The following PDE9A variants were observed in gnomAD, a reference collection of about 807,000 sequenced individuals.
PDE9A encodes the protein phosphodiesterase 9A.
A neutral mutation model predicts 87.4 loss-of-function variants in PDE9A; 60 were observed. The ratio of observed to expected loss-of-function variants is 0.69; its 90% CI spans 0.56 to 0.85. The LOEUF is 0.85. PDE9A is among the 40% of genes least tolerant of loss of function. PDE9A has a pLI of 0.00. For missense variants in PDE9A, 665 were observed against 779.0 expected, an observed-to-expected ratio of 0.85 and a Z score of 1.74; for synonymous variants, 272 against 279.4, an observed-to-expected ratio of 0.97 and a Z score of 0.27.
At chr21:42,670,056 TACAC>T (rs1307632030) in intron 1 of PDE9A, among the ~76,000 whole-genome samples, 1 of 151,690 alleles carries the variant, frequency 6.6e-6, no homozygotes, top group African/African-American at 2.4e-5. Flanking sequence ...CACACACACT[TACAC>T]ATTCACACAC....
At chr21:42,682,076 G>A (rs1462973588) in intron 1 of PDE9A, among the ~76,000 whole-genome samples, 3 of 152,328 alleles carry the variant, frequency 2.0e-5, no homozygotes, top group South Asian at 2.1e-4. Flanking sequence ...GCCCAAACTC[G>A]CACCCACTTT....
At chr21:42,769,407 GGCA>G (rs2056731468) in intron 17 of PDE9A, among the ~76,000 whole-genome samples, 7 of 92,156 alleles carry the variant, frequency 7.6e-5, no homozygotes, top group South Asian at 4.3e-4. Flanking sequence ...GCACACACAC[GGCA>G]CACACAGGCA....
intron 4 of PDE9A, among the ~76,000 whole-genome samples, chr21:42,710,998 T>C (rs2049285504): frequency 6.6e-6 from 1 of 152,196 alleles, no homozygotes; most frequent in Non-Finnish European, 1.5e-5. Flanking sequence ...AAAAAAAATA[T>C]GTAAAAAGGA....
At chr21:42,772,621 C>A in intron 19 of PDE9A, 101 bp downstream of exon 19, 2 of 824,506 alleles carry the variant, frequency 2.4e-6, no homozygotes, top group Non-Finnish European at 3.9e-6. Context: ...TTTGGAATAC[C>A]TTTAAATGAA....
intron 1 of PDE9A, among the ~76,000 whole-genome samples, chr21:42,681,994 C>T (rs548800350): frequency 6.6e-6 from 1 of 152,364 alleles, no homozygotes; most frequent in South Asian, 2.1e-4. Context: ...GGAGCAGCAT[C>T]AGGCTGGGTG....
chr21:42,725,259 CAG>C (rs895728116), intron 4 of PDE9A, among the ~76,000 whole-genome samples: 8 of 151,666 alleles, frequency 5.3e-5, no homozygotes, highest in South Asian at 2.1e-4. Context: ...TTTTTTGAGA[CAG>C]AGTTTCGCTC....
intron 7 of PDE9A, among the ~76,000 whole-genome samples, chr21:42,735,627 G>A (rs999353208): frequency 1.3e-5 from 2 of 152,180 alleles, no homozygotes; most frequent in Admixed American, 6.5e-5. Context: ...GTGTCTACAC[G>A]TGATGACATT....
intron 7 of PDE9A, among the ~76,000 whole-genome samples, chr21:42,740,272 CATCTCTACAAAAA>C (rs1416769441): frequency 6.6e-6 from 1 of 151,890 alleles, no homozygotes; most frequent in Non-Finnish European, 1.5e-5. Flanking sequence ...GGCAAAACCC[CATCTCTACAAAAA>C]ATACAAAAAT....
chr21:42,746,604 A>G (rs902279212), intron 8 of PDE9A, among the ~76,000 whole-genome samples: 2 of 152,238 alleles, frequency 1.3e-5, no homozygotes, highest in Admixed American at 6.5e-5. Context: ...TCATGTCCCC[A>G]AATGAGGTCA....
At chr21:42,676,287 A>G (rs2058839467) in intron 1 of PDE9A, among the ~76,000 whole-genome samples, 1 of 152,206 alleles carries the variant, frequency 6.6e-6, no homozygotes, top group Non-Finnish European at 1.5e-5. Context: ...GAGCATGTGC[A>G]CTTACTTCTG....
At chr21:42,665,643 C>T (rs2057912221) in intron 1 of PDE9A, among the ~76,000 whole-genome samples, 1 of 152,320 alleles carries the variant, frequency 6.6e-6, no homozygotes, top group African/African-American at 2.4e-5. Context: ...GCTGAATGTC[C>T]CCGCTCCTAG....
intron 1 of PDE9A, among the ~76,000 whole-genome samples, chr21:42,671,810 G>C (rs756615288): frequency 6.6e-6 from 1 of 152,070 alleles, no homozygotes; most frequent in African/African-American, 2.4e-5. Flanking sequence ...TGGAATTATC[G>C]AGCGCTGAAA....
chr21:42,697,920 G>A (rs2060230613), intron 3 of PDE9A, among the ~76,000 whole-genome samples: 1 of 152,200 alleles, frequency 6.6e-6, no homozygotes, highest in African/African-American at 2.4e-5. Context: ...TCCTGCCTGT[G>A]GAGAGATGCA....
At chr21:42,713,682 T>G (rs1039072673) in intron 4 of PDE9A, among the ~76,000 whole-genome samples, 5 of 152,228 alleles carry the variant, frequency 3.3e-5, no homozygotes, top group Non-Finnish European at 7.3e-5. Flanking sequence ...TTTGGGTTTT[T>G]TGTGTGTGTC....
Position 42,726,624 on chromosome 21 carries a change from A to ATATATTT in PDE9A, c.263-5145_263-5144insATATTTT. ...TATATATATATATATATATATATAT[A>ATATATTT]TTTTTTTTTTTTTTTTTGTAGAGAT... is the stretch of plus-strand genomic sequence containing the variant. On this transcript the variant is annotated intron_variant, in intron 4 of 19. Transcript: ENST00000291539. 2.5e-3 allele frequency among the ~76,000 whole-genome samples: 49 copies of ATATATTT among 19,778 alleles called. 5 individuals carry two copies. The highest frequency in any genetic ancestry group is 3.1e-3 in the Non-Finnish European group (41 of 13,356). 13.0% of individuals were successfully genotyped at this position (19,778 alleles called of 152,430 possible). A position where few individuals can be genotyped will look rare whatever the true frequency, so the allele number is the denominator to read the frequency against.
chr21:42,691,813 T>C (rs1602086074), intron 3 of PDE9A, among the ~76,000 whole-genome samples: 1 of 109,186 alleles, frequency 9.2e-6, no homozygotes, highest in African/African-American at 3.7e-5. Flanking sequence ...TCATCACCAT[T>C]TGAGGTCACC....
At chr21:42,680,844 G>A (rs2059130925) in intron 1 of PDE9A, among the ~76,000 whole-genome samples, 1 of 152,216 alleles carries the variant, frequency 6.6e-6, no homozygotes, top group Non-Finnish European at 1.5e-5. Context: ...GAGGAGCCAG[G>A]TGTTCGTTCT....
rs1280686505 is a variant in PDE9A at position 42,760,143 on chromosome 21, A to G, written c.898-185A>G. ...CGGGTGCCGTGGTGTGGCCCGCTGG[A>G]CGTTCTCAGGGTCCCTGTGTCACCT... On this transcript the variant is annotated intron_variant, in intron 11 of 19. Transcript: ENST00000291539. This position sits in a 1 kb window ranked among gnomAD's most constrained non-coding sequence, Gnocchi z 5.2. Among the ~76,000 whole-genome samples the G allele has an allele frequency of 6.6e-6, 1 of 151,990 alleles. No homozygotes were observed. The highest frequency in any genetic ancestry group is 1.9e-4 in the East Asian group (1 of 5,172).
intron 18 of PDE9A, among the ~76,000 whole-genome samples, chr21:42,772,078 C>T (rs886246291): frequency 2.0e-5 from 3 of 150,966 alleles, no homozygotes; most frequent in Admixed American, 6.5e-5. Flanking sequence ...TAGTAGGGTT[C>T]CTTAAGGCCT....
Sources: allele counts gnomAD v4.1 joint callset (sites outside exome capture counted in the v4.1 genomes callset), GRCh38; gene constraint gnomAD v4.1.1; non-coding constraint Gnocchi (gnomAD v3.1); transcripts MANE v1.5; gene names NCBI Gene and HGNC (gene_info 2026-07-23, HGNC 2026-07-21).